Variants in METTL4 observed in about 807,000 individuals in gnomAD.
METTL4 encodes the protein methyltransferase 4, N6-adenosine.
In METTL4, 40 loss-of-function variants were observed where a neutral mutation model predicts 54.0. That is an observed-to-expected ratio of 0.74 (90% CI 0.58 to 0.96). The LOEUF (loss-of-function observed/expected upper bound fraction) is 0.96. METTL4 is among the 50% of genes least tolerant of loss of function. The pLI is 0.00. For synonymous variants in METTL4, 169 were observed against 183.8 expected (o/e 0.92, Z 0.65); for missense variants, 525 against 549.0 (o/e 0.96, Z 0.44).
chr18:2,552,392 T>C (rs991871592), intron 5 of METTL4, among the ~76,000 whole-genome samples: 6 of 152,190 alleles, frequency 3.9e-5, no homozygotes, highest in African/African-American at 1.4e-4. Flanking sequence ...TCTTGGCACA[T>C]ATTTCTAAAC....
chr18:2,559,848 C>T (rs1306636024), intron 3 of METTL4, among the ~76,000 whole-genome samples: 2 of 152,140 alleles, frequency 1.3e-5, no homozygotes, highest in African/African-American at 2.4e-5. Flanking sequence ...CAATTCTCCT[C>T]CCTCAGCGTC....
intron 8 of METTL4, among the ~76,000 whole-genome samples, chr18:2,542,248 C>A (rs2072002451): frequency 6.6e-6 from 1 of 151,688 alleles, no homozygotes. Context: ...GGTACATGTG[C>A]ACATTGTGCA....
At chr18:2,560,258 G>T (rs2072296555) in intron 3 of METTL4, among the ~76,000 whole-genome samples, 1 of 151,618 alleles carries the variant, frequency 6.6e-6, no homozygotes, top group African/African-American at 2.4e-5. Flanking sequence ...AATAAATAAA[G>T]AAAAAAGAAA....
In METTL4 at chr18:2,538,882, C is replaced by A; in HGVS notation, c.*118G>T. 8.7e-7 allele frequency: 1 copy of A among 1,145,768 alleles called. No homozygotes were observed. Among genetic ancestry groups the A allele is most frequent in the Non-Finnish European group, 1.2e-6 (1 of 813,098 alleles). The allele number at this position is 1,145,768 out of a possible 1,614,324, so 71.0% of individuals were successfully genotyped here. A position where few individuals can be genotyped will look rare whatever the true frequency, so the allele number is the denominator to read the frequency against. On this transcript the variant is annotated 3_prime_UTR_variant, in exon 9 of 9. Transcript: ENST00000574538. ...ACTTCTGGTCCCTTACTGAAAAAAA[C>A]AAGTCCTGTTTATATTCTAAGAATA... is the stretch of plus-strand genomic sequence containing the variant.
intron 2 of METTL4, 69 bp downstream of exon 2, chr18:2,566,752 A>T: frequency 8.0e-7 from 1 of 1,247,360 alleles, no homozygotes; most frequent in Non-Finnish European, 1.1e-6. Flanking sequence ...CCAGATATTT[A>T]AGACATTTAG....
chr18:2,547,570 A>C lies in METTL4; in HGVS notation c.900-41T>G, dbSNP rs140876769. The C allele has an allele frequency of 4.1e-5, 61 of 1,479,958 alleles. No homozygotes were observed. The African/African-American group carries it at 8.2e-4, about 20-fold the overall frequency. The allele number at this position is 1,479,958 out of a possible 1,614,324, so 91.7% of individuals were successfully genotyped here. A position where few individuals can be genotyped will look rare whatever the true frequency, so the allele number is the denominator to read the frequency against. On this transcript the variant is annotated intron_variant, in intron 5 of 8. Coordinates refer to ENST00000574538, the MANE Select transcript of METTL4 (RefSeq NM_022840.5). ...AAAAAGGATGAGCAAAATTCACTGCAAAAGAAGAAAACTAAGCAGGGATAA... is the reference window on the plus strand; with the variant it reads ...AAAAAGGATGAGCAAAATTCACTGCCAAAGAAGAAAACTAAGCAGGGATAA...
At chr18:2,554,480 A>G (rs1328244483) in intron 4 of METTL4, 189 bp downstream of exon 4, 2 of 548,114 alleles carry the variant, frequency 3.6e-6, no homozygotes, top group African/African-American at 3.9e-5. Flanking sequence ...TTTATTCACA[A>G]TATTTATTTT....
chr18:2,548,845 C>T (rs1025630152), intron 5 of METTL4, among the ~76,000 whole-genome samples: 7 of 152,316 alleles, frequency 4.6e-5, no homozygotes, highest in Non-Finnish European at 1.0e-4. Context: ...TTCAACCTCA[C>T]AGTTCCTGCA....
intron 3 of METTL4, among the ~76,000 whole-genome samples, chr18:2,557,170 A>G (rs1442176835): frequency 1.3e-5 from 2 of 152,260 alleles, no homozygotes; most frequent in East Asian, 1.9e-4. Context: ...ACAGGACAGA[A>G]TATCAGAGAG....
chr18:2,538,946 G>C lies in METTL4; in HGVS notation c.*54C>G. The C allele has an allele frequency of 6.4e-7, 1 of 1,559,542 alleles. No individual in the cohort carries two copies. The highest frequency in any genetic ancestry group is 8.7e-7 in the Non-Finnish European group (1 of 1,150,564). ...AAATAAAAAAATGACTTAGAATTAAGGGAAAAGTGGTGAGGAAACAATGAA... is the reference window on the plus strand; with the variant it reads ...AAATAAAAAAATGACTTAGAATTAACGGAAAAGTGGTGAGGAAACAATGAA... On this transcript the variant is annotated 3_prime_UTR_variant, in exon 9 of 9. Transcript: ENST00000574538.
chr18:2,555,741 T>A (rs1026533810), intron 3 of METTL4, among the ~76,000 whole-genome samples: 54 of 152,160 alleles, frequency 3.5e-4, no homozygotes, highest in African/African-American at 1.2e-3. Flanking sequence ...GTATCATGGA[T>A]CAGATTTACC....
intron 8 of METTL4, among the ~76,000 whole-genome samples, chr18:2,542,350 TC>T (rs1033220828): frequency 1.0e-5 from 1 of 96,502 alleles, no homozygotes; most frequent in African/African-American, 3.8e-5. Flanking sequence ...ATGCTATCCC[TC>T]CCCCCTCCCC....
intron 5 of METTL4, among the ~76,000 whole-genome samples, chr18:2,551,163 C>CAAAAA (rs752257490): frequency 2.8e-4 from 14 of 49,234 alleles, no homozygotes; most frequent in East Asian, 5.8e-4. Flanking sequence ...GACTCCGTCT[C>CAAAAA]AAAAAAAAAA....
At chr18:2,539,989 T>C in intron 8 of METTL4, 1 of 979,060 alleles carries the variant, frequency 1.0e-6, no homozygotes, top group Non-Finnish European at 1.2e-6. Context: ...AGTAAATTGG[T>C]AGCACTAAAA....
intron 1 of METTL4, chr18:2,568,542 G>C (rs1017084135): frequency 6.6e-6 from 1 of 152,248 alleles, no homozygotes; most frequent in East Asian, 1.9e-4. Context: ...CCCTGAGGTC[G>C]GGAGTTCAAG....
At position 2,537,953 on chromosome 18, in the gene METTL4, G is replaced by C. The variant is rs375075292; in HGVS notation, c.*1047C>G. On this transcript the variant is annotated 3_prime_UTR_variant, in exon 9 of 9. Coordinates refer to ENST00000574538, the MANE Select transcript of METTL4 (RefSeq NM_022840.5). ...AAAAGGAAAAATGAGAAGTTTTCAG[G>C]GTAAAGAAAGTGTTCTGTATCATGA... The C allele has an allele frequency of 5.0e-6, 2 of 398,402 alleles. No homozygotes were observed. The highest frequency in any genetic ancestry group is 8.9e-6 in the Non-Finnish European group (2 of 225,980). 24.7% of individuals were successfully genotyped at this position (398,402 alleles called of 1,614,324 possible).
intron 8 of METTL4, among the ~76,000 whole-genome samples, chr18:2,541,341 G>A (rs888177447): frequency 6.6e-6 from 1 of 152,144 alleles, no homozygotes; most frequent in Non-Finnish European, 1.5e-5. Flanking sequence ...AACTAATGGA[G>A]CGGATGCAAT....
chr18:2,565,116 A>G (rs1228732974), intron 2 of METTL4, among the ~76,000 whole-genome samples: 1 of 152,100 alleles, frequency 6.6e-6, no homozygotes, highest in Non-Finnish European at 1.5e-5. Context: ...GGTGTCTACT[A>G]AAAATACAAA....
Position 2,537,687 on chromosome 18 carries a change from A to G in METTL4, c.*1313T>C, listed in dbSNP as rs185429848. On this transcript the variant is annotated 3_prime_UTR_variant, in exon 9 of 9. Transcript: ENST00000574538. ...CATATTTTTCTTTGACAAAATCAGT[A>G]AATTGGCAAGCTTGTCAAAGAATCA... 4.1e-4 allele frequency: 161 copies of G among 394,502 alleles called. 1 individual carries two copies. In the East Asian group the frequency reaches 5.5e-3, roughly 13 times the overall value. 24.4% of individuals were successfully genotyped at this position (394,502 alleles called of 1,614,324 possible). A position where few individuals can be genotyped will look rare whatever the true frequency, so the allele number is the denominator to read the frequency against.
Sources: gnomAD v4.1 joint callset for allele counts (sites outside exome capture counted in the v4.1 genomes callset) on GRCh38, gnomAD v4.1.1 for gene constraint, MANE v1.5 for transcripts, NCBI Gene and HGNC (gene_info 2026-07-23, HGNC 2026-07-21) for gene names.